ABAT: variants seen among roughly 807,000 people sequenced by gnomAD.
ABAT encodes the protein 4-aminobutyrate aminotransferase, mitochondrial.
Under a neutral mutation model 64.6 loss-of-function variants are expected in ABAT, and 45 were observed. The observed-to-expected ratio is 0.70, with a 90% CI of 0.55 to 0.89. The LOEUF (loss-of-function observed/expected upper bound fraction) is 0.89. Among genes scored for constraint, ABAT ranks in the 40% least tolerant of loss-of-function variants. The pLI is 0.00. For synonymous variants in ABAT, 297 were observed against 250.5 expected, an observed-to-expected ratio of 1.19 and a Z score of -1.75; for missense variants, 633 against 658.4, an observed-to-expected ratio of 0.96 and a Z score of 0.42.
At chr16:8,685,755 G>A (rs1041407919) in intron 1 of ABAT, among the ~76,000 whole-genome samples, 12 of 152,298 alleles carry the variant, frequency 7.9e-5, no homozygotes, top group African/African-American at 2.9e-4. Context: ...TGATGGAGAG[G>A]CATGGGTGGA....
chr16:8,743,560 A>G (rs991619760), intron 2 of ABAT, among the ~76,000 whole-genome samples: 4 of 143,374 alleles, frequency 2.8e-5, no homozygotes, highest in African/African-American at 1.0e-4. Flanking sequence ...TATGTAATAT[A>G]TACTTTAGTT....
rs574406850 is a variant in ABAT, at chr16:8,729,699, G to C, written c.-41-6000G>C. On this transcript the variant is annotated intron_variant, in intron 1 of 15. Coordinates refer to ENST00000268251, the MANE Select transcript of ABAT (RefSeq NM_020686.6). ...AAATTAGCTGGGTATGGTGGTGCATGCCTGTAGTCCCAGCTACTTGGCAGG... is the reference window on the plus strand; with the variant it reads ...AAATTAGCTGGGTATGGTGGTGCATCCCTGTAGTCCCAGCTACTTGGCAGG... 2.6e-5 allele frequency among the ~76,000 whole-genome samples: 4 copies of C among 152,096 alleles called. No homozygotes were observed. In the South Asian group the frequency reaches 8.3e-4, roughly 32 times the overall value.
At chr16:8,757,455 A>C (rs1174350797) in intron 5 of ABAT, 1 of 397,466 alleles carries the variant, frequency 2.5e-6, no homozygotes, top group African/African-American at 2.1e-5. Flanking sequence ...GGTGTGAGCC[A>C]CCACACGTGG....
intron 5 of ABAT, chr16:8,757,266 C>A (rs1160072924): frequency 9.4e-6 from 4 of 423,478 alleles, no homozygotes; most frequent in South Asian, 5.2e-5. Flanking sequence ...CTCTTGTGTT[C>A]AAGAGATTCT....
intron 1 of ABAT, among the ~76,000 whole-genome samples, chr16:8,708,452 G>C (rs1473821930): frequency 2.6e-5 from 4 of 151,906 alleles, no homozygotes; most frequent in Non-Finnish European, 5.9e-5. Context: ...GGCAGTGGTG[G>C]GGTGGTGGGG....
At chr16:8,742,866 A>AG (rs1491277765) in intron 2 of ABAT, among the ~76,000 whole-genome samples, 1 of 13,238 alleles carries the variant, frequency 7.6e-5, no homozygotes, top group Non-Finnish European at 2.0e-4. Flanking sequence ...ACCCTGTCTC[A>AG]AAAAAAAAAA....
chr16:8,717,140 A>G (rs559714050), intron 1 of ABAT, among the ~76,000 whole-genome samples: 1 of 152,210 alleles, frequency 6.6e-6, no homozygotes, highest in Non-Finnish European at 1.5e-5. Flanking sequence ...AAATACAAAA[A>G]TTAGCCAGGA....
chr16:8,705,984 C>A (rs1409623982), intron 1 of ABAT, among the ~76,000 whole-genome samples: 1 of 152,134 alleles, frequency 6.6e-6, no homozygotes, highest in East Asian at 1.9e-4. Context: ...ACATTTCTTC[C>A]AAGGTCTCAG....
At chr16:8,724,002 G>A (rs1285851597) in intron 1 of ABAT, among the ~76,000 whole-genome samples, 3 of 151,290 alleles carry the variant, frequency 2.0e-5, no homozygotes, top group Non-Finnish European at 4.4e-5. Context: ...CACCATGCAT[G>A]GCTAATTTTT....
rs1022205222 is a variant in ABAT at position 8,722,724 on chromosome 16, C to T, written c.-41-12975C>T. The T allele has an allele frequency of 4.0e-5, 39 of 974,388 alleles. No homozygotes were observed. The African/African-American group carries it at 5.3e-4, about 13-fold the overall frequency. 60.4% of individuals were successfully genotyped at this position (974,388 alleles called of 1,614,324 possible). A position where few individuals can be genotyped will look rare whatever the true frequency, so the allele number is the denominator to read the frequency against. ...ATGGCGTGCCAGTGCTCTGAAAGCACCTCCCTTCTAACCAGGAATCCTTCA... is the reference window on the plus strand; with the variant it reads ...ATGGCGTGCCAGTGCTCTGAAAGCATCTCCCTTCTAACCAGGAATCCTTCA... On this transcript the variant is annotated intron_variant, in intron 1 of 15. Transcript: ENST00000268251.
intron 1 of ABAT, among the ~76,000 whole-genome samples, chr16:8,733,941 C>T (rs1023373657): frequency 1.3e-5 from 2 of 152,232 alleles, no homozygotes; most frequent in African/African-American, 4.8e-5. Flanking sequence ...CTTCCAGTCT[C>T]ATCCATGTTG....
At chr16:8,760,396 G>C (rs1009612929) in intron 6 of ABAT, 1 of 152,212 alleles carries the variant, frequency 6.6e-6, no homozygotes. Flanking sequence ...TCAGAAAAGG[G>C]GTCCCTAGCC....
intron 12 of ABAT, among the ~76,000 whole-genome samples, chr16:8,773,147 C>CACACACACAT (rs1239743158): frequency 2.8e-4 from 28 of 98,470 alleles, no homozygotes; most frequent in African/African-American, 1.0e-3. Flanking sequence ...CACACACACA[C>CACACACACAT]ATATATATAT....
chr16:8,701,885 G>T (rs1463637267), intron 1 of ABAT, among the ~76,000 whole-genome samples: 1 of 150,352 alleles, frequency 6.7e-6, no homozygotes, highest in Non-Finnish European at 1.5e-5. Flanking sequence ...CATCTGGCAC[G>T]TTCAAGGAAC....
At chr16:8,681,242 C>T (rs1026163682) in intron 1 of ABAT, among the ~76,000 whole-genome samples, 9 of 151,950 alleles carry the variant, frequency 5.9e-5, no homozygotes, top group South Asian at 2.1e-4. Flanking sequence ...TCTCCCACCT[C>T]GGCCTCCCAA....
chr16:8,737,660 C>T (rs923625119), intron 2 of ABAT, among the ~76,000 whole-genome samples: 5 of 151,144 alleles, frequency 3.3e-5, no homozygotes, highest in Non-Finnish European at 7.4e-5. Flanking sequence ...CGGTGGCTCA[C>T]GCCTATAATG....
Position 8,749,386 on chromosome 16 carries a change from C to CTTTTTTTTT in ABAT, c.199-1014_199-1006dup, listed in dbSNP as rs1160144275. 2.1e-3 allele frequency among the ~76,000 whole-genome samples: 68 copies of CTTTTTTTTT among 32,018 alleles called. 23 individuals are homozygous for CTTTTTTTTT. Among genetic ancestry groups the CTTTTTTTTT allele is most frequent in the Non-Finnish European group, 3.4e-3 (62 of 18,082 alleles). The allele number at this position is 32,018 out of a possible 152,430, so 21.0% of individuals were successfully genotyped here. A position where few individuals can be genotyped will look rare whatever the true frequency, so the allele number is the denominator to read the frequency against. On this transcript the variant is annotated intron_variant, in intron 4 of 15. Transcript: ENST00000268251. ...ACAGGCGTGAGCCACCGCACCCGGC[C>CTTTTTTTTT]TTTTTTTTTTTTTTTTTTTTTTTTT...
chr16:8,678,370 A>T (rs1453120564), intron 1 of ABAT, among the ~76,000 whole-genome samples: 1 of 152,104 alleles, frequency 6.6e-6, no homozygotes, highest in Non-Finnish European at 1.5e-5. Flanking sequence ...GAGTTACAGG[A>T]ATAAGCCACA....
At chr16:8,762,500 A>C (rs976964435) in intron 6 of ABAT, among the ~76,000 whole-genome samples, 3 of 152,224 alleles carry the variant, frequency 2.0e-5, no homozygotes, top group African/African-American at 7.2e-5. Context: ...ACTTAAGCCA[A>C]AGCCAATTAT....
Sources: gnomAD v4.1 joint callset for allele counts (sites outside exome capture counted in the v4.1 genomes callset) on GRCh38, gnomAD v4.1.1 for gene constraint, MANE v1.5 for transcripts, NCBI Gene and HGNC (gene_info 2026-07-23, HGNC 2026-07-21) for gene names.